The following PBX1 variants were observed in gnomAD, a reference collection of about 807,000 sequenced individuals.
PBX1 encodes PBX homeobox 1, also known as pre-B-cell leukemia transcription factor 1.
A neutral mutation model predicts 53.4 loss-of-function variants in PBX1; 6 were observed. The observed-to-expected ratio is 0.11, with a 90% confidence interval of 0.06 to 0.22. The LOEUF is 0.22. Ranked by LOEUF, PBX1 falls within the 10% of genes least tolerant of loss-of-function variation. The probability of loss-of-function intolerance (pLI) is 1.00; values close to 1 mark genes in which losing one functional copy is unlikely to be tolerated. For synonymous variants in PBX1, 204 were observed against 212.3 expected, an observed-to-expected ratio of 0.96 and a Z score of 0.34; for missense variants, 251 against 551.4, an observed-to-expected ratio of 0.46 and a Z score of 5.46.
chr1:164,773,243 G>GCGCA (rs113836981), intron 2 of PBX1, among the ~76,000 whole-genome samples: 5 of 147,680 alleles, frequency 3.4e-5, no homozygotes, highest in Admixed American at 6.7e-5. Flanking sequence ...GGTAACACGC[G>GCGCA]CACACACACA....
At chr1:164,781,371 G>A (rs767301712) in intron 2 of PBX1, among the ~76,000 whole-genome samples, 2 of 152,082 alleles carry the variant, frequency 1.3e-5, no homozygotes, top group Non-Finnish European at 2.9e-5. Flanking sequence ...GACAAATTGA[G>A]CAGGCTGGTT....
chr1:164,738,290 A>G (rs1665409977), intron 2 of PBX1, among the ~76,000 whole-genome samples: 1 of 152,090 alleles, frequency 6.6e-6, no homozygotes, highest in African/African-American at 2.4e-5. Flanking sequence ...CCCAAGTCAT[A>G]CGGTAACTCT....
At chr1:164,627,358 A>G (rs1478221944) in intron 2 of PBX1, among the ~76,000 whole-genome samples, 4 of 152,210 alleles carry the variant, frequency 2.6e-5, no homozygotes, top group South Asian at 2.1e-4. Flanking sequence ...TAAATGCTCT[A>G]TTGATTTTTG....
At chr1:164,743,453 G>A (rs1244104303) in intron 2 of PBX1, among the ~76,000 whole-genome samples, 2 of 152,082 alleles carry the variant, frequency 1.3e-5, no homozygotes, top group African/African-American at 4.8e-5. Flanking sequence ...TGTTGGAAGC[G>A]ATGTGTTTCC....
rs184651520 is a variant in PBX1, at chr1:164,615,566, C to A, written c.265+52255C>A. On this transcript the variant is annotated intron_variant, in intron 2 of 8. Coordinates refer to ENST00000420696, the MANE Select transcript of PBX1 (RefSeq NM_002585.4). ...TCTAAATGTTAGGTACCAAATTGAC[C>A]TTTTTGTAATCAATTTGTTTTTATC... Among the ~76,000 whole-genome samples the A allele has an allele frequency of 5.3e-3, 799 of 152,056 alleles. 3 individuals are homozygous for A. The highest frequency in any genetic ancestry group is 0.02 in the Middle Eastern group (6 of 294).
chr1:164,794,998 A>G (rs1219837112), intron 3 of PBX1, among the ~76,000 whole-genome samples: 2 of 152,200 alleles, frequency 1.3e-5, no homozygotes, highest in Middle Eastern at 3.2e-3. Context: ...TCACTCTTCC[A>G]TCCTCATCCA....
rs571923852 is a variant in PBX1 at position 164,674,361 on chromosome 1, C to T, written c.265+111050C>T. On this transcript the variant is annotated intron_variant, in intron 2 of 8. Coordinates refer to ENST00000420696, the MANE Select transcript of PBX1 (RefSeq NM_002585.4). ...AGTACAAATCTAGTTGATTCTCTGG[C>T]TTTGGTATACACATGGTTTTCTTCC... is the stretch of plus-strand genomic sequence containing the variant. 9 of 152,262 alleles carry T rather than the reference C, an allele frequency of 5.9e-5. 1 individual carries two copies. Among genetic ancestry groups the T allele is most frequent in the Middle Eastern group, 6.8e-3 (2 of 294 alleles). The allele number at this position is 152,262 out of a possible 1,614,324, so 9.4% of individuals were successfully genotyped here. A position where few individuals can be genotyped will look rare whatever the true frequency, so the allele number is the denominator to read the frequency against.
chr1:164,687,910 A>G (rs972928737), intron 2 of PBX1, among the ~76,000 whole-genome samples: 22 of 152,150 alleles, frequency 1.4e-4, no homozygotes, highest in African/African-American at 5.3e-4. Flanking sequence ...TATTGGTTTC[A>G]TGTTTTCAGA....
intron 2 of PBX1, among the ~76,000 whole-genome samples, chr1:164,697,499 C>T (rs766642159): frequency 6.6e-6 from 1 of 152,170 alleles, no homozygotes; most frequent in South Asian, 2.1e-4. Context: ...TTATACGTCC[C>T]CTTCTCTTCA....
At chr1:164,842,214 G>A (rs1019343002) in intron 8 of PBX1, among the ~76,000 whole-genome samples, 3 of 152,106 alleles carry the variant, frequency 2.0e-5, no homozygotes, top group Non-Finnish European at 4.4e-5. Flanking sequence ...CAAGGAGGGT[G>A]GTAGAGAAAA....
chr1:164,615,138 A>G (rs553839306), intron 2 of PBX1, among the ~76,000 whole-genome samples: 21 of 152,282 alleles, frequency 1.4e-4, no homozygotes, highest in Non-Finnish European at 2.8e-4. Flanking sequence ...GGATTCTTCA[A>G]AACTTTATGT....
chr1:164,663,615 C>T (rs991759429), intron 2 of PBX1, among the ~76,000 whole-genome samples: 1 of 152,218 alleles, frequency 6.6e-6, no homozygotes, highest in African/African-American at 2.4e-5. Flanking sequence ...GAGATGATTG[C>T]ACCTGTCTGT....
chr1:164,877,553 C>T (rs1278376707), intron 2 of PBX1, among the ~76,000 whole-genome samples: 1 of 151,966 alleles, frequency 6.6e-6, no homozygotes, highest in Non-Finnish European at 1.5e-5. Flanking sequence ...ATCCCAGCTA[C>T]TCAGGAGGCT....
At chr1:164,564,377 GATAT>G (rs1162011232) in intron 2 of PBX1, among the ~76,000 whole-genome samples, 2 of 151,624 alleles carry the variant, frequency 1.3e-5, no homozygotes, top group South Asian at 2.1e-4. Context: ...ATGCTTGGTT[GATAT>G]ACATTGATAG....
chr1:164,603,944 T>C, intron 2 of PBX1, among the ~76,000 whole-genome samples: 1 of 123,686 alleles, frequency 8.1e-6, no homozygotes, highest in Admixed American at 8.1e-5. Context: ...TTTTTTTTTT[T>C]TTTTTTTTTT....
chr1:164,828,166 C>T (rs1366633941), intron 8 of PBX1, among the ~76,000 whole-genome samples: 1 of 152,268 alleles, frequency 6.6e-6, no homozygotes, highest in African/African-American at 2.4e-5. Flanking sequence ...TTTGTAGAAA[C>T]TGCTTCTCTC....
At chr1:164,831,415 G>C (rs1176494266) in intron 8 of PBX1, 2 of 151,842 alleles carry the variant, frequency 1.3e-5, no homozygotes, top group Non-Finnish European at 2.9e-5. Flanking sequence ...TTGAGATGGA[G>C]TCTCGCTCTG....
intron 2 of PBX1, chr1:164,682,755 C>T (rs1661859932): frequency 6.6e-6 from 1 of 152,146 alleles, no homozygotes; most frequent in African/African-American, 2.4e-5. Flanking sequence ...GGACATAAAA[C>T]CTGTGGCTGC....
chr1:164,864,647 C>T (rs1672175276), intron 2 of PBX1, among the ~76,000 whole-genome samples: 1 of 152,240 alleles, frequency 6.6e-6, no homozygotes, highest in East Asian at 1.9e-4. Context: ...ACATCTTCCA[C>T]CTGGCTGGAC....
Sources: gnomAD v4.1 joint callset for allele counts (sites outside exome capture counted in the v4.1 genomes callset) on GRCh38, gnomAD v4.1.1 for gene constraint, MANE v1.5 for transcripts, NCBI Gene and HGNC (gene_info 2026-07-23, HGNC 2026-07-21) for gene names.